USP34: variants seen among roughly 807,000 people sequenced by gnomAD.
USP34 encodes ubiquitin specific peptidase 34.
USP34 carries 70 observed loss-of-function variants against 460.3 expected under a neutral mutation model. The observed-to-expected ratio is 0.15, with a 90% CI of 0.13 to 0.19. The LOEUF (loss-of-function observed/expected upper bound fraction) is 0.19. Ranked by LOEUF, USP34 falls within the 10% of genes least tolerant of loss-of-function variation. The pLI is 1.00. For missense variants in USP34, 3,985 were observed against 4,236.2 expected (o/e 0.94, Z 1.65); for synonymous variants, 1,647 against 1,405.3 (o/e 1.17, Z -3.85).
At chr2:61,453,169 G>C (rs572669648) in intron 1 of USP34, among the ~76,000 whole-genome samples, 2 of 152,208 alleles carry the variant, frequency 1.3e-5, no homozygotes, top group South Asian at 4.1e-4. Context: ...CCAGCACTTA[G>C]GGAGGCCGAA....
chr2:61,342,012 C>G (rs549316996), intron 16 of USP34, among the ~76,000 whole-genome samples: 5 of 152,126 alleles, frequency 3.3e-5, no homozygotes, highest in African/African-American at 1.2e-4. Flanking sequence ...ATCCACCTGT[C>G]TCGGCCTCCC....
intron 1 of USP34, among the ~76,000 whole-genome samples, chr2:61,433,663 T>C (rs1234000518): frequency 6.6e-6 from 1 of 151,724 alleles, no homozygotes; most frequent in Non-Finnish European, 1.5e-5. Flanking sequence ...AAAAGGAGAA[T>C]CCCACAGTCC....
chr2:61,403,750 G>A (rs766053292), intron 3 of USP34, among the ~76,000 whole-genome samples: 15 of 152,162 alleles, frequency 9.9e-5, no homozygotes, highest in Non-Finnish European at 1.8e-4. Context: ...CACTTTGGGA[G>A]GCAGAAGCGG....
intron 21 of USP34, among the ~76,000 whole-genome samples, chr2:61,322,027 G>A (rs1367474859): frequency 3.9e-5 from 6 of 152,238 alleles, no homozygotes; most frequent in African/African-American, 1.2e-4. Flanking sequence ...TCGGGAGTTC[G>A]AGACCAGCCT....
At chr2:61,426,924 A>C (rs750387947) in intron 1 of USP34, among the ~76,000 whole-genome samples, 3 of 152,222 alleles carry the variant, frequency 2.0e-5, no homozygotes, top group Non-Finnish European at 4.4e-5. Context: ...TAATCCACAA[A>C]TTATCCAGAT....
intron 48 of USP34, among the ~76,000 whole-genome samples, chr2:61,252,316 C>T (rs568068389): frequency 1.6e-4 from 25 of 152,228 alleles, no homozygotes; most frequent in East Asian, 9.6e-4. Context: ...ATTACCTACC[C>T]GATACTATCT....
chr2:61,298,809 C>T (rs944568588), intron 29 of USP34, among the ~76,000 whole-genome samples: 1 of 151,944 alleles, frequency 6.6e-6, no homozygotes, highest in South Asian at 2.1e-4. Context: ...GGTCCTTTTG[C>T]GATACAAGTT....
intron 57 of USP34, 88 bp from the exon 58 acceptor site, chr2:61,232,620 C>G: frequency 9.2e-7 from 1 of 1,086,480 alleles, no homozygotes. Flanking sequence ...TATTTCTAGT[C>G]AATGTTTTAA....
In USP34 at chr2:61,330,383, T is replaced by C. The variant is rs539691522; in HGVS notation, c.2930+893A>G. ...CCTCAAGTCTCAAGTTTTAGGCAAGTGGGAGGATAGCTGCACCCTAAAGGA... is the reference window on the plus strand; with the variant it reads ...CCTCAAGTCTCAAGTTTTAGGCAAGCGGGAGGATAGCTGCACCCTAAAGGA... On this transcript the variant is annotated intron_variant, in intron 20 of 79. Transcript: ENST00000398571. 3.9e-5 allele frequency among the ~76,000 whole-genome samples: 6 copies of C among 152,304 alleles called. No homozygotes were observed. In the East Asian group the frequency reaches 1.2e-3, roughly 29 times the overall value.
intron 10 of USP34, among the ~76,000 whole-genome samples, chr2:61,362,516 T>C (rs1299452690): frequency 6.6e-6 from 1 of 152,174 alleles, no homozygotes; most frequent in Non-Finnish European, 1.5e-5. Flanking sequence ...TTTGACAACA[T>C]GACTGACCCT....
chr2:61,310,960 A>G (rs1690573425), intron 27 of USP34, among the ~76,000 whole-genome samples: 1 of 152,084 alleles, frequency 6.6e-6, no homozygotes, highest in African/African-American at 2.4e-5. Context: ...CAAATGAAGA[A>G]TTTTTTGCAA....
At chr2:61,267,753 A>T (rs1572886393) in intron 41 of USP34, among the ~76,000 whole-genome samples, 1 of 151,980 alleles carries the variant, frequency 6.6e-6, no homozygotes, top group East Asian at 1.9e-4. Context: ...AGTTGGGACT[A>T]CAGGCGCCCA....
At chr2:61,366,568 C>T (rs993394569) in intron 10 of USP34, among the ~76,000 whole-genome samples, 1 of 152,144 alleles carries the variant, frequency 6.6e-6, no homozygotes, top group Non-Finnish European at 1.5e-5. Flanking sequence ...TGTACATTCT[C>T]TCATTTAGAG....
chr2:61,318,891 C>G (rs1389655197), intron 22 of USP34, among the ~76,000 whole-genome samples: 1 of 152,094 alleles, frequency 6.6e-6, no homozygotes, highest in African/African-American at 2.4e-5. Context: ...AAAACAAACA[C>G]TAAGAAAATT....
At chr2:61,341,791 C>T (rs1373460274) in intron 16 of USP34, among the ~76,000 whole-genome samples, 2 of 128,488 alleles carry the variant, frequency 1.6e-5, no homozygotes, top group African/African-American at 2.9e-5. Flanking sequence ...GATGCAGTCT[C>T]GCTGTGTTGC....
intron 2 of USP34, among the ~76,000 whole-genome samples, chr2:61,406,664 C>T (rs1414806128): frequency 6.7e-6 from 1 of 150,244 alleles, no homozygotes. Flanking sequence ...CTCTCTCTCT[C>T]CCCCCCAAGC....
At chr2:61,301,492 A>C (rs1690223715) in intron 27 of USP34, 38 bp from the exon 28 acceptor site, 1 of 1,563,126 alleles carries the variant, frequency 6.4e-7, no homozygotes, top group East Asian at 2.2e-5. Context: ...ATTTGTTTTT[A>C]AGAATTAACT....
intron 29 of USP34, among the ~76,000 whole-genome samples, chr2:61,297,553 G>A (rs1690065903): frequency 6.6e-6 from 1 of 152,188 alleles, no homozygotes; most frequent in Non-Finnish European, 1.5e-5. Context: ...ACCACCCTGA[G>A]AGGTAAAAAG....
At chr2:61,283,031 G>C in intron 37 of USP34, 114 bp downstream of exon 37, 2 of 1,074,408 alleles carry the variant, frequency 1.9e-6, no homozygotes, top group South Asian at 3.2e-5. Context: ...AGCAGATAAT[G>C]TGATATATTT....
Sources: allele counts gnomAD v4.1 joint callset (sites outside exome capture counted in the v4.1 genomes callset), GRCh38; gene constraint gnomAD v4.1.1; transcripts MANE v1.5; gene names NCBI Gene and HGNC (gene_info 2026-07-23, HGNC 2026-07-21).